The following RYR2 variants were observed in gnomAD, a reference collection of about 807,000 sequenced individuals.
RYR2 encodes the protein ryanodine receptor 2.
RYR2 carries 227 observed loss-of-function variants against 601.1 expected under a neutral mutation model. The ratio of observed to expected loss-of-function variants is 0.38; its 90% confidence interval spans 0.34 to 0.42. The LOEUF (loss-of-function observed/expected upper bound fraction) is 0.42, where lower values mean the gene tolerates loss of function less well. Ranked by LOEUF, RYR2 falls within the 10% of genes least tolerant of loss-of-function variation. The pLI is 1.00. For missense variants in RYR2, 4,646 were observed against 6,156.5 expected (o/e 0.75, Z 8.21); for synonymous variants, 2,223 against 2,175.1 (o/e 1.02, Z -0.61).
chr1:237,439,221 A>G (rs986550071), intron 12 of RYR2, among the ~76,000 whole-genome samples: 4 of 152,354 alleles, frequency 2.6e-5, no homozygotes, highest in South Asian at 4.1e-4. Context: ...TGAGCTACAG[A>G]AAATGACAGG....
At chr1:237,445,610 A>T in intron 14 of RYR2, 88 bp downstream of exon 14, 1 of 1,507,178 alleles carries the variant, frequency 6.6e-7, no homozygotes, top group Non-Finnish European at 9.1e-7. Flanking sequence ...AAAGTATGCT[A>T]TGATGGTAAT....
chr1:237,571,557 C>T (rs1257187579), intron 29 of RYR2, among the ~76,000 whole-genome samples: 1 of 152,100 alleles, frequency 6.6e-6, no homozygotes, highest in Non-Finnish European at 1.5e-5. Flanking sequence ...TCAGGTGATC[C>T]ACCCGCCTCG....
At chr1:237,798,382 C>A (rs963402756) in intron 97 of RYR2, among the ~76,000 whole-genome samples, 2 of 150,120 alleles carry the variant, frequency 1.3e-5, no homozygotes, top group East Asian at 2.0e-4. Flanking sequence ...TTTGGAGGTA[C>A]CTTTTAATAT....
chr1:237,122,658 G>A (rs1670931008), intron 1 of RYR2, among the ~76,000 whole-genome samples: 1 of 151,270 alleles, frequency 6.6e-6, no homozygotes, highest in Non-Finnish European at 1.5e-5. Context: ...CTCCAGCCTG[G>A]GCAACAGAGC....
intron 17 of RYR2, among the ~76,000 whole-genome samples, chr1:237,483,218 C>G (rs1662310569): frequency 6.6e-6 from 1 of 152,208 alleles, no homozygotes; most frequent in African/African-American, 2.4e-5. Flanking sequence ...TTCTCTACCT[C>G]TTACGACTAT....
chr1:237,127,358 C>T (rs1221362937), intron 1 of RYR2, among the ~76,000 whole-genome samples: 8 of 151,154 alleles, frequency 5.3e-5, no homozygotes, highest in East Asian at 2.0e-4. Flanking sequence ...CCAGTAGGGG[C>T]GGCTGGGCAG....
intron 46 of RYR2, among the ~76,000 whole-genome samples, chr1:237,639,454 T>A (rs1307430355): frequency 6.6e-6 from 1 of 152,180 alleles, no homozygotes; most frequent in Non-Finnish European, 1.5e-5. Flanking sequence ...ATGCATCTTA[T>A]GAATTTTCCT....
intron 101 of RYR2, among the ~76,000 whole-genome samples, chr1:237,821,071 T>G (rs1662444312): frequency 6.6e-6 from 1 of 152,072 alleles, no homozygotes; most frequent in South Asian, 2.1e-4. Context: ...AGAGAGCACC[T>G]GGGGAAAGGG....
At chr1:237,511,935 G>A (rs1417867512) in intron 24 of RYR2, 144 bp downstream of exon 24, 6 of 575,194 alleles carry the variant, frequency 1.0e-5, no homozygotes, top group Non-Finnish European at 1.8e-5. Flanking sequence ...TAATGCATAA[G>A]TGGATTGGAT....
intron 80 of RYR2, among the ~76,000 whole-genome samples, chr1:237,747,352 G>A (rs375267820): frequency 6.6e-6 from 1 of 152,154 alleles, no homozygotes; most frequent in Admixed American, 6.5e-5. Flanking sequence ...TATGCCTGTG[G>A]CAGAGTTGGT....
intron 94 of RYR2, among the ~76,000 whole-genome samples, chr1:237,792,871 A>G (rs1197215352): frequency 2.6e-5 from 4 of 152,128 alleles, no homozygotes; most frequent in Non-Finnish European, 5.9e-5. Flanking sequence ...GAGTCATTTT[A>G]TTGTTTTATT....
chr1:237,775,279 G>A (rs765746014), intron 87 of RYR2, among the ~76,000 whole-genome samples: 49 of 152,238 alleles, frequency 3.2e-4, no homozygotes, highest in Non-Finnish European at 6.2e-4. Flanking sequence ...TATACTCATG[G>A]CACATTTGTC....
chr1:237,426,005 A>G (rs2150071830), intron 12 of RYR2, among the ~76,000 whole-genome samples: 1 of 151,942 alleles, frequency 6.6e-6, no homozygotes, highest in South Asian at 2.1e-4. Flanking sequence ...TCTTTATGTA[A>G]TCATTACCCT....
intron 71 of RYR2, among the ~76,000 whole-genome samples, 189 bp downstream of exon 71, chr1:237,712,026 C>T (rs544896593): frequency 6.6e-6 from 1 of 152,078 alleles, no homozygotes; most frequent in East Asian, 1.9e-4. Context: ...CATGGTAAGA[C>T]ATGCAGACGG....
Position 237,344,146 on chromosome 1 carries a change from C to T in RYR2, c.274-11819C>T, listed in dbSNP as rs995977838. ...CCCCCATAAGGGGTTTTTAGTTCCT[C>T]GGGAAACTATTCAAGCATTGGTTAG... On this transcript the variant is annotated intron_variant, in intron 3 of 104. Coordinates refer to ENST00000366574, the MANE Select transcript of RYR2 (RefSeq NM_001035.3). Among the ~76,000 whole-genome samples, 14 of 152,242 alleles carry T rather than the reference C, an allele frequency of 9.2e-5. No homozygotes were observed. In the East Asian group the frequency reaches 9.7e-4, roughly 11 times the overall value.
chr1:237,107,287 T>C (rs2490346), intron 1 of RYR2, among the ~76,000 whole-genome samples: 140,830 of 151,588 alleles, frequency 0.93, 65,870 homozygotes, highest in Non-Finnish European at 0.98. Flanking sequence ...TCTGGGAGGC[T>C]GAGGCGGGCG....
intron 94 of RYR2, 54 bp downstream of exon 94, chr1:237,792,377 G>A (rs1558425652): frequency 4.8e-6 from 4 of 841,656 alleles, no homozygotes; most frequent in Non-Finnish European, 7.0e-6. Flanking sequence ...GTGTGTGTGT[G>A]TGTGCGTGTG....
At chr1:237,045,333 T>G (rs1211938873) in intron 1 of RYR2, among the ~76,000 whole-genome samples, 2 of 152,226 alleles carry the variant, frequency 1.3e-5, no homozygotes, top group African/African-American at 4.8e-5. Flanking sequence ...GTGAGTTATG[T>G]ATGCTGCTGT....
At chr1:237,279,782 A>C (rs896716248) in intron 2 of RYR2, among the ~76,000 whole-genome samples, 1 of 152,232 alleles carries the variant, frequency 6.6e-6, no homozygotes, top group African/African-American at 2.4e-5. Context: ...AGTAAAAGCC[A>C]TTCTTATTTA....
Sources: gnomAD v4.1 joint callset for allele counts (sites outside exome capture counted in the v4.1 genomes callset) on GRCh38, gnomAD v4.1.1 for gene constraint, MANE v1.5 for transcripts, NCBI Gene and HGNC (gene_info 2026-07-23, HGNC 2026-07-21) for gene names.